The following CNTN5 variants were observed in gnomAD, a reference collection of about 807,000 sequenced individuals.
The protein encoded by CNTN5 is contactin 5, also known as contactin-5.
Under a neutral mutation model 129.1 loss-of-function variants are expected in CNTN5, and 77 were observed. The observed-to-expected ratio is 0.60, with a 90% CI of 0.50 to 0.72. The LOEUF (loss-of-function observed/expected upper bound fraction) is 0.72, where lower values mean the gene tolerates loss of function less well. CNTN5 is among the 30% of genes least tolerant of loss of function. The pLI is 0.00. For synonymous variants in CNTN5, 509 were observed against 465.6 expected (o/e 1.09, Z -1.20); for missense variants, 1,478 against 1,328.8 (o/e 1.11, Z -1.75).
At chr11:99,303,050 A>G (rs1050982720) in intron 1 of CNTN5, among the ~76,000 whole-genome samples, 3 of 151,814 alleles carry the variant, frequency 2.0e-5, no homozygotes, top group Admixed American at 6.6e-5. Flanking sequence ...GATAAAACAC[A>G]CAAAATTATA....
At chr11:99,885,781 A>G (rs538825214) in intron 6 of CNTN5, among the ~76,000 whole-genome samples, 6 of 152,256 alleles carry the variant, frequency 3.9e-5, no homozygotes, top group African/African-American at 1.4e-4. Context: ...AAACGGCACA[A>G]CTCCAAGTGT....
intron 6 of CNTN5, among the ~76,000 whole-genome samples, chr11:99,902,147 A>G (rs1275242553): frequency 6.6e-6 from 1 of 152,124 alleles, no homozygotes; most frequent in African/African-American, 2.4e-5. Flanking sequence ...ACTTTCTAAT[A>G]GTAGAAGATT....
At chr11:100,107,277 T>G (rs1945474854) in intron 13 of CNTN5, among the ~76,000 whole-genome samples, 1 of 152,098 alleles carries the variant, frequency 6.6e-6, no homozygotes, top group Non-Finnish European at 1.5e-5. Context: ...AAGCCCCTAG[T>G]GTAAAATACA....
intron 2 of CNTN5, among the ~76,000 whole-genome samples, chr11:99,506,401 A>G (rs925368581): frequency 4.6e-5 from 7 of 152,178 alleles, no homozygotes; most frequent in Non-Finnish European, 7.3e-5. Flanking sequence ...ATTCTTATAC[A>G]AATATCTTTT....
intron 13 of CNTN5, among the ~76,000 whole-genome samples, chr11:100,187,701 G>C (rs1414451872): frequency 1.3e-5 from 2 of 152,076 alleles, no homozygotes. Flanking sequence ...GGACTTCTTG[G>C]TCAATAAATG....
At chr11:99,668,834 T>G (rs1952909818) in intron 3 of CNTN5, among the ~76,000 whole-genome samples, 1 of 152,194 alleles carries the variant, frequency 6.6e-6, no homozygotes, top group African/African-American at 2.4e-5. Flanking sequence ...CTCGGGAAGT[T>G]GAGGAATAAC....
intron 13 of CNTN5, among the ~76,000 whole-genome samples, chr11:100,104,437 T>G (rs1207788646): frequency 1.3e-5 from 2 of 151,988 alleles, no homozygotes; most frequent in Non-Finnish European, 2.9e-5. Flanking sequence ...CATTAGGTAC[T>G]ATAAGCAGCA....
intron 1 of CNTN5, among the ~76,000 whole-genome samples, chr11:99,209,247 C>T (rs1859642362): frequency 1.3e-5 from 2 of 152,060 alleles, no homozygotes; most frequent in South Asian, 2.1e-4. Flanking sequence ...TCTTGCCTTG[C>T]TCTGAAGTAA....
chr11:99,158,893 T>C (rs1178025974), intron 1 of CNTN5, among the ~76,000 whole-genome samples: 1 of 152,136 alleles, frequency 6.6e-6, no homozygotes, highest in Non-Finnish European at 1.5e-5. Flanking sequence ...CTTCAGTAAA[T>C]TATAAACATA....
chr11:99,768,267 G>A (rs1307973960), intron 3 of CNTN5, among the ~76,000 whole-genome samples: 1 of 152,030 alleles, frequency 6.6e-6, no homozygotes, highest in African/African-American at 2.4e-5. Flanking sequence ...TTTTATGGAT[G>A]TATATGTACA....
intron 4 of CNTN5, among the ~76,000 whole-genome samples, chr11:99,843,243 G>T (rs1231567425): frequency 6.6e-6 from 1 of 152,030 alleles, no homozygotes; most frequent in African/African-American, 2.4e-5. Context: ...CAAAAAACTT[G>T]CATCTAGGTT....
intron 3 of CNTN5, among the ~76,000 whole-genome samples, chr11:99,709,054 T>C (rs1332141768): frequency 6.6e-6 from 1 of 151,886 alleles, no homozygotes; most frequent in African/African-American, 2.4e-5. Flanking sequence ...TTCACATTTT[T>C]ACTGTTGTCT....
chr11:99,447,280 T>C (rs1203280571), intron 2 of CNTN5, among the ~76,000 whole-genome samples: 1 of 152,262 alleles, frequency 6.6e-6, no homozygotes. Context: ...TATTCTCTAC[T>C]GCACAACTTC....
chr11:99,679,985 TAAGCTA>T (rs1264599742), intron 3 of CNTN5, among the ~76,000 whole-genome samples: 4 of 152,328 alleles, frequency 2.6e-5, no homozygotes, highest in Non-Finnish European at 5.9e-5. Context: ...GACATTCCCT[TAAGCTA>T]AAGCTTAATC....
intron 18 of CNTN5, among the ~76,000 whole-genome samples, chr11:100,281,409 C>T (rs144910318): frequency 0.02 from 3,077 of 152,058 alleles, 109 homozygotes; most frequent in African/African-American, 0.07. Context: ...ATATGTCATA[C>T]CGCTCTCTCC....
chr11:99,279,642 T>C (rs1354361306), intron 1 of CNTN5, among the ~76,000 whole-genome samples: 1 of 151,750 alleles, frequency 6.6e-6, no homozygotes, highest in Non-Finnish European at 1.5e-5. Context: ...TCATGTAGTA[T>C]TTTTATACTT....
intron 3 of CNTN5, among the ~76,000 whole-genome samples, chr11:99,815,565 G>A (rs1565562466): frequency 6.6e-6 from 1 of 152,118 alleles, no homozygotes; most frequent in Admixed American, 6.5e-5. Context: ...AAATGGTAAT[G>A]CAGGGGGTTC....
At chr11:99,763,450 CT>C (rs1944653762) in intron 3 of CNTN5, among the ~76,000 whole-genome samples, 2 of 152,032 alleles carry the variant, frequency 1.3e-5, no homozygotes, top group South Asian at 2.1e-4. Context: ...AAAAGAGAAT[CT>C]TTTTTGCTGA....
At position 99,671,853 on chromosome 11, in the gene CNTN5, A is replaced by C. The variant is rs550731122; in HGVS notation, c.55+115584A>C. Among the ~76,000 whole-genome samples the C allele has an allele frequency of 6.6e-4, 101 of 152,330 alleles. 1 individual carries two copies. The highest frequency in any genetic ancestry group is 2.4e-3 in the African/African-American group (100 of 41,586). On this transcript the variant is annotated intron_variant, in intron 3 of 24. Transcript: ENST00000524871. ...TTAGAGGTATAATACACCCTCTCCAAGTTAAAGAAATACTATACCTGTGTG... is the reference window on the plus strand; with the variant it reads ...TTAGAGGTATAATACACCCTCTCCACGTTAAAGAAATACTATACCTGTGTG...
Sources: allele counts gnomAD v4.1 joint callset (sites outside exome capture counted in the v4.1 genomes callset), GRCh38; gene constraint gnomAD v4.1.1; transcripts MANE v1.5; gene names NCBI Gene and HGNC (gene_info 2026-07-23, HGNC 2026-07-21).